LRRC7: variants seen among roughly 807,000 people sequenced by gnomAD.
LRRC7 encodes the protein leucine-rich repeat-containing protein 7.
LRRC7 carries 23 observed loss-of-function variants against 175.7 expected under a neutral mutation model. The observed-to-expected ratio is 0.13, with a 90% CI of 0.09 to 0.19. LRRC7 has a LOEUF of 0.19. LRRC7 is among the 10% of genes least tolerant of loss of function. The pLI, the probability that LRRC7 is intolerant of heterozygous loss-of-function variation, is 1.00. For synonymous variants in LRRC7, 685 were observed against 680.9 expected (o/e 1.01, Z -0.09); for missense variants, 1,354 against 1,904.7 (o/e 0.71, Z 5.38).
chr1:69,903,540 C>A (rs1239478236), intron 7 of LRRC7, among the ~76,000 whole-genome samples: 2 of 152,098 alleles, frequency 1.3e-5, no homozygotes, highest in Non-Finnish European at 2.9e-5. Context: ...CACTAAATGG[C>A]CACAAGACAA....
At chr1:70,078,822 A>ATG (rs1553200912) in intron 24 of LRRC7, among the ~76,000 whole-genome samples, 3 of 111,996 alleles carry the variant, frequency 2.7e-5, no homozygotes, top group Admixed American at 2.6e-4. Flanking sequence ...ACACACACAC[A>ATG]CGCACACACA....
At chr1:69,751,870 T>C (rs1669881913) in intron 2 of LRRC7, among the ~76,000 whole-genome samples, 1 of 152,148 alleles carries the variant, frequency 6.6e-6, no homozygotes, top group Non-Finnish European at 1.5e-5. Flanking sequence ...TCTTCTTGAT[T>C]TCATGTTTAT....
Position 70,081,397 on chromosome 1 carries a change from G to T in LRRC7, c.4452+5099G>T, listed in dbSNP as rs563026872. Among the ~76,000 whole-genome samples, 22 of 152,320 alleles carry T rather than the reference G, an allele frequency of 1.4e-4. No homozygotes were observed. In the South Asian group the frequency reaches 3.7e-3, roughly 26 times the overall value. On this transcript the variant is annotated intron_variant, in intron 24 of 26. Coordinates refer to ENST00000651989, the MANE Select transcript of LRRC7 (RefSeq NM_001370785.2). ...GCAGAAATAAGAAGGAAAAACATCA[G>T]CATGATGCTTCAAACCTTTCAAAAC...
At chr1:70,073,967 G>C (rs1662582746) in intron 23 of LRRC7, among the ~76,000 whole-genome samples, 1 of 152,208 alleles carries the variant, frequency 6.6e-6, no homozygotes, top group Non-Finnish European at 1.5e-5. Context: ...TTGAGAGGCT[G>C]AGGCCGGTAG....
At chr1:69,589,999 GTCCTCGGCTATATTTA>G (rs2100952338) in intron 1 of LRRC7, among the ~76,000 whole-genome samples, 1 of 152,170 alleles carries the variant, frequency 6.6e-6, no homozygotes, top group African/African-American at 2.4e-5. Context: ...TAGCTTCTTT[GTCCTCGGCTATATTTA>G]TCCTCACCTT....
rs534036263 is a variant in LRRC7, at chr1:70,065,805, C to T, written c.4231-10272C>T. On this transcript the variant is annotated intron_variant, in intron 23 of 26. Coordinates refer to ENST00000651989, the MANE Select transcript of LRRC7 (RefSeq NM_001370785.2). Reference sequence around the variant, plus strand: ...CGTTATTGTATATTCTGTCCCCATCCATAAAAGAGGCCACATCTCAACATC... The same window carrying T: ...CGTTATTGTATATTCTGTCCCCATCTATAAAAGAGGCCACATCTCAACATC... Among the ~76,000 whole-genome samples, 31 of 152,066 alleles carry T rather than the reference C, an allele frequency of 2.0e-4. No individual in the cohort carries two copies. In the South Asian group the frequency reaches 5.2e-3, roughly 25 times the overall value.
At chr1:69,682,894 A>C (rs966807610) in intron 2 of LRRC7, among the ~76,000 whole-genome samples, 5 of 152,146 alleles carry the variant, frequency 3.3e-5, no homozygotes, top group Non-Finnish European at 5.9e-5. Context: ...ATTTTGGAAG[A>C]CAGTTTGAAG....
chr1:69,722,825 T>C (rs1457184260), intron 2 of LRRC7, among the ~76,000 whole-genome samples: 1 of 152,100 alleles, frequency 6.6e-6, no homozygotes, highest in African/African-American at 2.4e-5. Flanking sequence ...TTGTAACTAC[T>C]CTTTGTATGC....
chr1:70,130,631 C>A lies in LRRC7; in HGVS notation c.*8744C>A, dbSNP rs182392592. On this transcript the variant is annotated 3_prime_UTR_variant, in exon 27 of 27. Coordinates refer to ENST00000651989, the MANE Select transcript of LRRC7 (RefSeq NM_001370785.2). Reference sequence around the variant, plus strand: ...GACCTTAACACTATCCAAAAAGTAACACCATTCAAAAAGTTTAAGAAGTGG... The same window carrying A: ...GACCTTAACACTATCCAAAAAGTAAAACCATTCAAAAAGTTTAAGAAGTGG... Among the ~76,000 whole-genome samples the A allele has an allele frequency of 8.6e-4, 131 of 152,288 alleles. No homozygotes were observed. Among genetic ancestry groups the A allele is most frequent in the Non-Finnish European group, 1.4e-3 (96 of 68,036 alleles).
intron 2 of LRRC7, among the ~76,000 whole-genome samples, chr1:69,717,502 A>C (rs1249101341): frequency 1.3e-5 from 2 of 151,714 alleles, no homozygotes; most frequent in Non-Finnish European, 3.0e-5. Context: ...TTTTATAATG[A>C]AAATTATTAG....
intron 25 of LRRC7, among the ~76,000 whole-genome samples, chr1:70,100,098 GT>G (rs1306078930): frequency 6.6e-6 from 1 of 152,034 alleles, no homozygotes; most frequent in Non-Finnish European, 1.5e-5. Flanking sequence ...TCCCAGACAT[GT>G]TTAATTGTTA....
intron 2 of LRRC7, among the ~76,000 whole-genome samples, chr1:69,726,633 C>A (rs1418559816): frequency 2.6e-5 from 4 of 151,930 alleles, no homozygotes; most frequent in Non-Finnish European, 5.9e-5. Context: ...CCATGAAGAT[C>A]GTAACTAAAG....
chr1:69,568,700 C>G (rs902265139), intron 1 of LRRC7, 59 bp downstream of exon 1: 6 of 444,048 alleles, frequency 1.4e-5, no homozygotes, highest in African/African-American at 3.4e-5. Context: ...GCCGCGGCGA[C>G]CGTAGGCGCG....
intron 2 of LRRC7, among the ~76,000 whole-genome samples, chr1:69,685,495 G>C (rs1661026950): frequency 6.6e-6 from 1 of 151,120 alleles, no homozygotes; most frequent in South Asian, 2.1e-4. Context: ...AACAAGTGAA[G>C]AAAAACAGAA....
At chr1:69,831,368 A>T (rs12734666) in intron 5 of LRRC7, among the ~76,000 whole-genome samples, 1 of 151,752 alleles carries the variant, frequency 6.6e-6, no homozygotes, top group Non-Finnish European at 1.5e-5. Context: ...CTATCAGGAC[A>T]TGAGCTCTAA....
At chr1:69,578,748 C>T (rs1205160893) in intron 1 of LRRC7, among the ~76,000 whole-genome samples, 1 of 137,818 alleles carries the variant, frequency 7.3e-6, no homozygotes, top group African/African-American at 2.8e-5. Context: ...ACAATGAGAA[C>T]ACATGGACAC....
chr1:70,006,949 C>G (rs891413413), intron 11 of LRRC7, among the ~76,000 whole-genome samples: 14 of 152,164 alleles, frequency 9.2e-5, no homozygotes, highest in Non-Finnish European at 1.9e-4. Flanking sequence ...GCTTCCATGT[C>G]CTTGCTGGGT....
At chr1:69,909,872 G>A (rs1266839340) in intron 7 of LRRC7, among the ~76,000 whole-genome samples, 6 of 152,050 alleles carry the variant, frequency 3.9e-5, no homozygotes, top group South Asian at 2.1e-4. Context: ...GTGTTTTCCA[G>A]CTTGGTTCCA....
chr1:69,857,832 G>A (rs1683866486), intron 7 of LRRC7, among the ~76,000 whole-genome samples: 2 of 152,134 alleles, frequency 1.3e-5, no homozygotes, highest in Admixed American at 1.3e-4. Context: ...AACAAAGCTG[G>A]AGGCATCACG....
Sources: gnomAD v4.1 joint callset for allele counts (sites outside exome capture counted in the v4.1 genomes callset) on GRCh38, gnomAD v4.1.1 for gene constraint, MANE v1.5 for transcripts, NCBI Gene and HGNC (gene_info 2026-07-23, HGNC 2026-07-21) for gene names.